The following GPHN variants were observed in gnomAD, a reference collection of about 807,000 sequenced individuals.
GPHN encodes gephyrin.
In GPHN, 17 loss-of-function variants were observed where a neutral mutation model predicts 95.5. The ratio of observed to expected loss-of-function variants is 0.18; its 90% CI spans 0.12 to 0.27. The LOEUF (loss-of-function observed/expected upper bound fraction) is 0.27, where lower values mean the gene tolerates loss of function less well. GPHN is among the 10% of genes least tolerant of loss of function. The pLI is 1.00. For missense variants in GPHN, 660 were observed against 978.1 expected (o/e 0.67, Z 4.34); for synonymous variants, 320 against 322.5 (o/e 0.99, Z 0.08).
At chr14:66,925,994 A>C (rs575087567) in intron 8 of GPHN, among the ~76,000 whole-genome samples, 2 of 152,324 alleles carry the variant, frequency 1.3e-5, no homozygotes, top group East Asian at 3.9e-4. Flanking sequence ...CATTTATCTG[A>C]TGATCAATAA....
chr14:67,046,610 A>G (rs1056079875), intron 10 of GPHN, among the ~76,000 whole-genome samples: 2 of 152,210 alleles, frequency 1.3e-5, no homozygotes, highest in African/African-American at 4.8e-5. Context: ...TATGTACAGA[A>G]ATCTCAGGAG....
At chr14:67,708,582 A>T in the GPHN span, among the ~76,000 whole-genome samples, 1 of 152,174 alleles carries the variant, frequency 6.6e-6, no homozygotes, top group Admixed American at 6.6e-5. Flanking sequence ...TAACATAACA[A>T]TTATAATTAT....
intron 3 of GPHN, among the ~76,000 whole-genome samples, chr14:66,776,999 C>G (rs1436560864): frequency 2.0e-5 from 3 of 151,532 alleles, no homozygotes; most frequent in Non-Finnish European, 4.4e-5. Context: ...AACTCGTCAT[C>G]TAGCTTAGGT....
intron 7 of GPHN, among the ~76,000 whole-genome samples, chr14:66,923,412 C>A (rs1444800246): frequency 6.6e-6 from 1 of 152,066 alleles, no homozygotes; most frequent in Non-Finnish European, 1.5e-5. Context: ...TTTTTCTTAA[C>A]TAATAACTTA....
At chr14:66,566,276 A>G (rs1384126985) in intron 1 of GPHN, among the ~76,000 whole-genome samples, 2 of 152,114 alleles carry the variant, frequency 1.3e-5, no homozygotes, top group African/African-American at 4.8e-5. Context: ...AAATGCCACC[A>G]TTTTGCTGTA....
the GPHN span, among the ~76,000 whole-genome samples, chr14:67,406,283 T>G: frequency 1.5e-4 from 23 of 151,736 alleles, no homozygotes; most frequent in African/African-American, 5.3e-4. Flanking sequence ...AATGCTAACT[T>G]TTGGGATAAT....
chr14:67,382,739 C>A, the GPHN span: 6 of 810,368 alleles, frequency 7.4e-6, no homozygotes, highest in Non-Finnish European at 9.9e-6. Flanking sequence ...GGTCACCCCC[C>A]GTCCCCAGCC....
At chr14:67,150,783 T>A (rs1236650750) in intron 18 of GPHN, among the ~76,000 whole-genome samples, 2 of 152,164 alleles carry the variant, frequency 1.3e-5, no homozygotes, top group Non-Finnish European at 2.9e-5. Context: ...CTCTAACTTC[T>A]GGGCTTAAGC....
At chr14:67,684,839 T>G in the GPHN span, 4 of 480,866 alleles carry the variant, frequency 8.3e-6, no homozygotes, top group African/African-American at 2.0e-5. Context: ...TAAAATCAAA[T>G]GTAGCAGTTA....
At chr14:66,787,721 A>G (rs934888338) in intron 3 of GPHN, among the ~76,000 whole-genome samples, 14 of 152,112 alleles carry the variant, frequency 9.2e-5, no homozygotes, top group South Asian at 2.1e-4. Context: ...AAGCAGTTCA[A>G]TGGAGAATAG....
At chr14:67,308,234 T>TAA in the GPHN span, among the ~76,000 whole-genome samples, 21,804 of 138,748 alleles carry the variant, frequency 0.16, 3,148 homozygotes, top group East Asian at 0.42. Context: ...CTTAACAGTT[T>TAA]AAAAAAAAAA....
chr14:67,296,959 A>G, the GPHN span, among the ~76,000 whole-genome samples: 1 of 152,172 alleles, frequency 6.6e-6, no homozygotes, highest in African/African-American at 2.4e-5. Flanking sequence ...CTGGCCTCCT[A>G]TGATGATTTT....
chr14:67,108,715 GT>G (rs1490768016), intron 13 of GPHN, among the ~76,000 whole-genome samples: 2 of 121,222 alleles, frequency 1.6e-5, no homozygotes, highest in African/African-American at 6.1e-5. Context: ...CCTAAGGGGT[GT>G]GTGTGTGTGT....
the GPHN span, chr14:67,200,574 C>A: frequency 4.4e-6 from 1 of 227,716 alleles, no homozygotes; most frequent in Non-Finnish European, 8.3e-6. Context: ...AAGGAGACTT[C>A]ATCTTCCATT....
intron 1 of GPHN, among the ~76,000 whole-genome samples, chr14:66,532,915 T>C (rs191889596): frequency 9.8e-5 from 15 of 152,338 alleles, no homozygotes; most frequent in Non-Finnish European, 1.6e-4. Context: ...GTTTCTAAAA[T>C]GTTTGAGGAA....
chr14:66,598,231 A>G (rs1268504239), intron 1 of GPHN, among the ~76,000 whole-genome samples: 1 of 152,156 alleles, frequency 6.6e-6, no homozygotes, highest in Non-Finnish European at 1.5e-5. Flanking sequence ...GTTAATAACA[A>G]TATGTTGTAT....
intron 1 of GPHN, among the ~76,000 whole-genome samples, chr14:66,634,450 G>A (rs1182883949): frequency 6.6e-6 from 1 of 152,072 alleles, no homozygotes; most frequent in Non-Finnish European, 1.5e-5. Flanking sequence ...ACTTTGGTGG[G>A]GAAGGGGTCA....
At chr14:66,575,675 C>G (rs2060873620) in intron 1 of GPHN, among the ~76,000 whole-genome samples, 1 of 152,154 alleles carries the variant, frequency 6.6e-6, no homozygotes, top group Non-Finnish European at 1.5e-5. Flanking sequence ...TCTGCTGGAG[C>G]AGGCCTGGAT....
chr14:66,845,962 G>A lies in GPHN; in HGVS notation c.294+21396G>A, dbSNP rs1395495526. 2.0e-5 allele frequency among the ~76,000 whole-genome samples: 3 copies of A among 152,044 alleles called. No individual in the cohort carries two copies. The South Asian group carries it at 6.2e-4, about 31-fold the overall frequency. Reference sequence around the variant, plus strand: ...TTGAACTCTGTACCGTAGTGGCCTAGACCTTATAAGAATTTAAAAAGTTAA... The same window carrying A: ...TTGAACTCTGTACCGTAGTGGCCTAAACCTTATAAGAATTTAAAAAGTTAA... On this transcript the variant is annotated intron_variant, in intron 4 of 22. Coordinates refer to ENST00000478722, the MANE Select transcript of GPHN (RefSeq NM_020806.5).
Sources: gnomAD v4.1 joint callset for allele counts (sites outside exome capture counted in the v4.1 genomes callset) on GRCh38, gnomAD v4.1.1 for gene constraint, MANE v1.5 for transcripts, NCBI Gene and HGNC (gene_info 2026-07-23, HGNC 2026-07-21) for gene names.